The following KIRREL3 variants were observed in gnomAD, a reference collection of about 807,000 sequenced individuals.
KIRREL3 encodes the protein kirre like nephrin family adhesion molecule 3.
A neutral mutation model predicts 89.7 loss-of-function variants in KIRREL3; 36 were observed. The ratio of observed to expected loss-of-function variants is 0.40; its 90% CI spans 0.31 to 0.53. KIRREL3 has a LOEUF of 0.53. KIRREL3 is among the 20% of genes least tolerant of loss of function. The pLI is 0.49. For synonymous variants in KIRREL3, 445 were observed against 441.4 expected, an observed-to-expected ratio of 1.01 and a Z score of -0.10; for missense variants, 864 against 1,056.6, an observed-to-expected ratio of 0.82 and a Z score of 2.53.
chr11:126,562,936 G>A lies in KIRREL3; in HGVS notation c.56-24C>T, dbSNP rs1362737415. 6 of 1,601,598 alleles carry A rather than the reference G, an allele frequency of 3.7e-6. No homozygotes were observed. The highest frequency in any genetic ancestry group is 1.3e-5 in the African/African-American group (1 of 74,672). ...CTCTGGAAGAGAAGCATAGGTGGGT[G>A]AGTTGGGAATGGGAACAGGTCAGGC... On this transcript the variant is annotated intron_variant, in intron 1 of 16. Transcript: ENST00000525144. This position sits in a 1 kb window ranked among gnomAD's most constrained non-coding sequence, Gnocchi z 4.7.
chr11:126,695,646 C>T (rs938036266), intron 1 of KIRREL3, among the ~76,000 whole-genome samples: 25 of 152,108 alleles, frequency 1.6e-4, no homozygotes, highest in African/African-American at 6.0e-4. Flanking sequence ...GGGCCAATTC[C>T]TTGATGAAGG....
chr11:126,979,409 T>C (rs1192976497), intron 1 of KIRREL3, among the ~76,000 whole-genome samples: 1 of 152,202 alleles, frequency 6.6e-6, no homozygotes, highest in Non-Finnish European at 1.5e-5. Context: ...AACAGCTACC[T>C]TATCAACTTA....
chr11:126,745,457 G>T (rs1055749403), intron 1 of KIRREL3, among the ~76,000 whole-genome samples: 2 of 107,102 alleles, frequency 1.9e-5, no homozygotes, highest in African/African-American at 8.9e-5. Flanking sequence ...AGATCAAGAT[G>T]GAAAACAAAC....
At chr11:126,988,983 T>C (rs1949949413) in intron 1 of KIRREL3, among the ~76,000 whole-genome samples, 1 of 151,980 alleles carries the variant, frequency 6.6e-6, no homozygotes, top group Non-Finnish European at 1.5e-5. Context: ...CTAACGCAGC[T>C]CTTGGTGAAA....
chr11:126,856,639 C>T (rs187823971), intron 1 of KIRREL3, among the ~76,000 whole-genome samples: 1,874 of 146,400 alleles, frequency 0.013, 42 homozygotes, highest in African/African-American at 0.045. Context: ...TCTTTGAGAC[C>T]GAGTCTCGCT....
Position 126,490,110 on chromosome 11 carries a change from G to C in KIRREL3, c.434-16644C>G, listed in dbSNP as rs968678325. On this transcript the variant is annotated intron_variant, in intron 4 of 16. Transcript: ENST00000525144. The surrounding 1 kb of genome is among the most constrained non-coding windows in gnomAD (Gnocchi z 4.2). The stretch of plus-strand genomic sequence containing the variant: ...CCTTAAAGTCACAGTTAGCTCCCAT[G>C]ATGGGCATTCGTGTTTGTGGCCAGA... Among the ~76,000 whole-genome samples the C allele has an allele frequency of 1.3e-5, 2 of 151,826 alleles. No individual in the cohort carries two copies. The highest frequency in any genetic ancestry group is 6.6e-5 in the Admixed American group (1 of 15,224).
At chr11:126,617,990 G>T (rs1591823966) in intron 1 of KIRREL3, among the ~76,000 whole-genome samples, 1 of 152,226 alleles carries the variant, frequency 6.6e-6, no homozygotes, top group East Asian at 1.9e-4. Flanking sequence ...GTGGGGCCTG[G>T]TGGGAGGTGA....
chr11:126,866,886 A>G (rs1944944210), intron 1 of KIRREL3, among the ~76,000 whole-genome samples: 1 of 152,140 alleles, frequency 6.6e-6, no homozygotes, highest in Admixed American at 6.5e-5. Context: ...CACCTTGCCG[A>G]GAACTACCTC....
In KIRREL3 at chr11:126,551,573, T is replaced by C. The variant is rs548147690; in HGVS notation, c.133+11262A>G. 7.2e-5 allele frequency among the ~76,000 whole-genome samples: 11 copies of C among 151,820 alleles called. No individual in the cohort carries two copies. The highest frequency in any genetic ancestry group is 1.3e-4 in the Non-Finnish European group (9 of 67,980). The stretch of plus-strand genomic sequence containing the variant: ...ACTGATCCCTTACAGCAAAAGAATA[T>C]ATATGATCATTTAACAATTAGTCCA... On this transcript the variant is annotated intron_variant, in intron 2 of 16. Transcript: ENST00000525144. This position sits in a 1 kb window ranked among gnomAD's most constrained non-coding sequence, Gnocchi z 4.9.
At chr11:126,675,693 G>A (rs1218702531) in intron 1 of KIRREL3, among the ~76,000 whole-genome samples, 1 of 152,158 alleles carries the variant, frequency 6.6e-6, no homozygotes, top group Non-Finnish European at 1.5e-5. Flanking sequence ...GGTGGAAGTA[G>A]GGAGTAAAAA....
chr11:126,853,977 G>C (rs973566418), intron 1 of KIRREL3, among the ~76,000 whole-genome samples: 2 of 152,092 alleles, frequency 1.3e-5, no homozygotes, highest in African/African-American at 4.8e-5. Context: ...TCAACAAGTA[G>C]TGCACATGAA....
chr11:126,930,986 G>A (rs1947926220), intron 1 of KIRREL3, among the ~76,000 whole-genome samples: 1 of 152,250 alleles, frequency 6.6e-6, no homozygotes, highest in African/African-American at 2.4e-5. Flanking sequence ...TTCACATTCG[G>A]TTCCCTCTGC....
In KIRREL3 at chr11:126,771,493, T is replaced by C. The variant is rs7116684; in HGVS notation, c.56-208581A>G. On this transcript the variant is annotated intron_variant, in intron 1 of 16. Transcript: ENST00000525144. This position sits in a 1 kb window ranked among gnomAD's most constrained non-coding sequence, Gnocchi z 4.4. ...TTCTTTGCATCTTTTTTGGCTTTGC[T>C]GTACAGATTGGTGCAAAAATAATCA... Among the ~76,000 whole-genome samples, 132,554 of 152,166 alleles carry C rather than the reference T, an allele frequency of 0.87. 58,058 individuals carry two copies. Among genetic ancestry groups the C allele is most frequent in the East Asian group, 1 (5,181 of 5,188 alleles).
In KIRREL3 at chr11:126,985,461, T is replaced by C. The variant is rs954002027; in HGVS notation, c.55+14994A>G. 6.6e-5 allele frequency among the ~76,000 whole-genome samples: 10 copies of C among 151,856 alleles called. No individual in the cohort carries two copies. The highest frequency in any genetic ancestry group is 1.3e-4 in the Admixed American group (2 of 15,260). On this transcript the variant is annotated intron_variant, in intron 1 of 16. Coordinates refer to ENST00000525144, the MANE Select transcript of KIRREL3 (RefSeq NM_032531.4). The surrounding 1 kb of genome is among the most constrained non-coding windows in gnomAD (Gnocchi z 5.3). ...CCACAAAAGGCTTCCTGGGGCGCTGTGGAATAAGGAAGGAAGGGCATTTAA... is the reference window on the plus strand; with the variant it reads ...CCACAAAAGGCTTCCTGGGGCGCTGCGGAATAAGGAAGGAAGGGCATTTAA...
chr11:126,601,028 G>A lies in KIRREL3; in HGVS notation c.56-38116C>T, dbSNP rs887783572. Among the ~76,000 whole-genome samples, 1 of 152,106 alleles carries A rather than the reference G, an allele frequency of 6.6e-6. No individual in the cohort carries two copies. The highest frequency in any genetic ancestry group is 2.4e-5 in the African/African-American group (1 of 41,410). ...GTGACCTTTTCAGGAAATTACCCAG[G>A]ATTTCACAATCTTAGTCAGAAGCGA... On this transcript the variant is annotated intron_variant, in intron 1 of 16. Transcript: ENST00000525144. The surrounding 1 kb of genome is among the most constrained non-coding windows in gnomAD (Gnocchi z 5.8).
At chr11:126,470,379 T>TAA (rs549324460) in intron 5 of KIRREL3, among the ~76,000 whole-genome samples, 231 of 152,318 alleles carry the variant, frequency 1.5e-3, no homozygotes, top group African/African-American at 5.2e-3. Context: ...GGGAGAGGCT[T>TAA]GTCTTCCAAG....
Position 126,696,230 on chromosome 11 carries a change from C to G in KIRREL3, c.56-133318G>C, listed in dbSNP as rs1274320752. Among the ~76,000 whole-genome samples the G allele has an allele frequency of 6.6e-6, 1 of 151,470 alleles. No homozygotes were observed. The stretch of plus-strand genomic sequence containing the variant: ...CAACATCCCGCCACTCCACTCCAGC[C>G]TGGGCCACTGAGCGAGACTCTATCT... On this transcript the variant is annotated intron_variant, in intron 1 of 16. Transcript: ENST00000525144. This position sits in a 1 kb window ranked among gnomAD's most constrained non-coding sequence, Gnocchi z 4.4.
At chr11:126,597,158 C>G (rs981699874) in intron 1 of KIRREL3, among the ~76,000 whole-genome samples, 1 of 152,230 alleles carries the variant, frequency 6.6e-6, no homozygotes, top group Admixed American at 6.5e-5. Context: ...CCCAGAACTA[C>G]CCACCCAATC....
rs957594234 is a variant in KIRREL3 at position 126,783,952 on chromosome 11, A to T, written c.55+216503T>A. On this transcript the variant is annotated intron_variant, in intron 1 of 16. Coordinates refer to ENST00000525144, the MANE Select transcript of KIRREL3 (RefSeq NM_032531.4). This position sits in a 1 kb window ranked among gnomAD's most constrained non-coding sequence, Gnocchi z 4.3. ...CTTGATAGGATACGATGGAAACAGCACTTGTCTTTGTGGTCTTCCCCCTCG... is the reference window on the plus strand; with the variant it reads ...CTTGATAGGATACGATGGAAACAGCTCTTGTCTTTGTGGTCTTCCCCCTCG... 1.6e-4 allele frequency among the ~76,000 whole-genome samples: 25 copies of T among 152,352 alleles called. No homozygotes were observed. The highest frequency in any genetic ancestry group is 1.8e-4 in the Non-Finnish European group (12 of 68,034).
Sources: allele counts gnomAD v4.1 joint callset (sites outside exome capture counted in the v4.1 genomes callset), GRCh38; gene constraint gnomAD v4.1.1; non-coding constraint Gnocchi (gnomAD v3.1); transcripts MANE v1.5; gene names NCBI Gene and HGNC (gene_info 2026-07-23, HGNC 2026-07-21).